The following FBXL17 variants were observed in gnomAD, a reference collection of about 807,000 sequenced individuals.
The protein encoded by FBXL17 is F-box/LRR-repeat protein 17.
A neutral mutation model predicts 66.2 loss-of-function variants in FBXL17; 22 were observed. That is an observed-to-expected ratio of 0.33 (90% confidence interval 0.24 to 0.47). The LOEUF is 0.47. Among genes scored for constraint, FBXL17 ranks in the 20% least tolerant of loss-of-function variants. The pLI, the probability that FBXL17 is intolerant of heterozygous loss-of-function variation, is 1.00. For synonymous variants in FBXL17, 474 were observed against 400.5 expected (o/e 1.18, Z -2.19); for missense variants, 878 against 948.2 (o/e 0.93, Z 0.97).
In FBXL17 at chr5:108,354,270, C is replaced by A. The variant is rs535198872; in HGVS notation, c.1375-5740G>T. Among the ~76,000 whole-genome samples the A allele has an allele frequency of 1.4e-4, 21 of 152,102 alleles. No homozygotes were observed. The East Asian group carries it at 4.1e-3, about 29-fold the overall frequency. On this transcript the variant is annotated intron_variant, in intron 3 of 8. Coordinates refer to ENST00000542267, the MANE Select transcript of FBXL17 (RefSeq NM_001163315.3). ...AGATACAGCAGGAATGTTGGAATTA[C>A]CAGGCCGGAAATTTTTTAAAACTAC... is the stretch of plus-strand genomic sequence containing the variant.
intron 7 of FBXL17, among the ~76,000 whole-genome samples, chr5:107,939,461 C>T (rs952597541): frequency 1.2e-4 from 18 of 151,934 alleles, no homozygotes; most frequent in Admixed American, 2.6e-4. Context: ...ATTCGGGCCA[C>T]GGGTCAGGGA....
At chr5:107,986,021 C>T (rs1375460160) in intron 7 of FBXL17, among the ~76,000 whole-genome samples, 1 of 152,036 alleles carries the variant, frequency 6.6e-6, no homozygotes, top group Non-Finnish European at 1.5e-5. Context: ...CAAAACCTAA[C>T]AACTTAGAAA....
Position 108,088,700 on chromosome 5 carries a change from C to CAAAAAAAAA in FBXL17, c.1746-67708_1746-67700dup, listed in dbSNP as rs57707936. Among the ~76,000 whole-genome samples, 10 of 49,346 alleles carry CAAAAAAAAA rather than the reference C, an allele frequency of 2.0e-4. 1 individual carries two copies. The highest frequency in any genetic ancestry group is 6.9e-4 in the African/African-American group (8 of 11,556). 32.4% of individuals were successfully genotyped at this position (49,346 alleles called of 152,430 possible). ...TGGCCGACAGAGCGAGACTCTATCT[C>CAAAAAAAAA]AAAAAAAAAAAAAAAAAAAAAAAAA... On this transcript the variant is annotated intron_variant, in intron 6 of 8. Transcript: ENST00000542267.
chr5:108,170,761 C>T (rs887414009), intron 6 of FBXL17, among the ~76,000 whole-genome samples: 16 of 151,928 alleles, frequency 1.1e-4, no homozygotes, highest in Admixed American at 3.9e-4. Context: ...TTCAAACTCC[C>T]GACCCCAAGT....
At chr5:107,990,923 T>G (rs901722717) in intron 7 of FBXL17, among the ~76,000 whole-genome samples, 1 of 152,116 alleles carries the variant, frequency 6.6e-6, no homozygotes, top group African/African-American at 2.4e-5. Context: ...ACCATCCAAT[T>G]TTATCCTTAT....
intron 4 of FBXL17, among the ~76,000 whole-genome samples, chr5:108,343,403 G>A (rs554974942): frequency 2.2e-4 from 34 of 152,282 alleles, no homozygotes; most frequent in Admixed American, 9.8e-4. Flanking sequence ...GGAGGCTCAA[G>A]TGAGTACTTA....
intron 7 of FBXL17, among the ~76,000 whole-genome samples, chr5:107,945,700 G>A (rs949372294): frequency 2.0e-5 from 3 of 152,178 alleles, no homozygotes; most frequent in Non-Finnish European, 4.4e-5. Flanking sequence ...AGATGCATAT[G>A]AATGAAGCAA....
intron 7 of FBXL17, among the ~76,000 whole-genome samples, chr5:107,908,916 C>T (rs1400191034): frequency 6.6e-6 from 1 of 152,156 alleles, no homozygotes; most frequent in East Asian, 1.9e-4. Flanking sequence ...GGACAGTGAA[C>T]TCCTTCTGAA....
Position 108,147,195 on chromosome 5 carries a change from T to C in FBXL17, c.1745+38922A>G, listed in dbSNP as rs371139423. ...TGGCAGGACAACAACATTCAGAACA[T>C]AGCAAGCAGCAAGAACTCAGAGTTT... On this transcript the variant is annotated intron_variant, in intron 6 of 8. Coordinates refer to ENST00000542267, the MANE Select transcript of FBXL17 (RefSeq NM_001163315.3). Among the ~76,000 whole-genome samples, 73 of 152,226 alleles carry C rather than the reference T, an allele frequency of 4.8e-4. 1 individual carries two copies. The South Asian group carries it at 0.013, about 27-fold the overall frequency.
intron 6 of FBXL17, among the ~76,000 whole-genome samples, chr5:108,047,388 G>T (rs1201453406): frequency 6.6e-6 from 1 of 152,200 alleles, no homozygotes; most frequent in Admixed American, 6.5e-5. Flanking sequence ...ATTCTCAACA[G>T]CCTCTCAGCT....
At chr5:108,195,011 CA>C in intron 5 of FBXL17, among the ~76,000 whole-genome samples, 1 of 152,066 alleles carries the variant, frequency 6.6e-6, no homozygotes, top group East Asian at 1.9e-4. Context: ...TTAAAAAATG[CA>C]AAAAGTATTA....
At position 107,906,601 on chromosome 5, in the gene FBXL17, C is replaced by A. The variant is rs566772903; in HGVS notation, c.1823-25422G>T. On this transcript the variant is annotated intron_variant, in intron 7 of 8. Transcript: ENST00000542267. The stretch of plus-strand genomic sequence containing the variant: ...TAAGAAGTAGGGACAGGACTGGAGT[C>A]CAGGTCTGTCTGACCATACAGGATC... Among the ~76,000 whole-genome samples, 5 of 152,210 alleles carry A rather than the reference C, an allele frequency of 3.3e-5. No homozygotes were observed. In the South Asian group the frequency reaches 1.0e-3, roughly 32 times the overall value.
At chr5:108,293,064 G>T (rs1251430687) in intron 4 of FBXL17, among the ~76,000 whole-genome samples, 1 of 149,004 alleles carries the variant, frequency 6.7e-6, no homozygotes, top group Non-Finnish European at 1.5e-5. Flanking sequence ...CTCCAGCCTG[G>T]GCAACAGAGC....
At chr5:107,927,622 T>A (rs957228222) in intron 7 of FBXL17, among the ~76,000 whole-genome samples, 1 of 152,146 alleles carries the variant, frequency 6.6e-6, no homozygotes, top group Non-Finnish European at 1.5e-5. Flanking sequence ...AAACTTGATA[T>A]AAAAGAGCCT....
intron 6 of FBXL17, among the ~76,000 whole-genome samples, chr5:108,174,476 G>A (rs1343614995): frequency 6.6e-6 from 1 of 152,104 alleles, no homozygotes; most frequent in Non-Finnish European, 1.5e-5. Flanking sequence ...GTGATTTGCA[G>A]TAGGTATGCT....
chr5:108,225,205 A>C (rs913383947), intron 4 of FBXL17, among the ~76,000 whole-genome samples: 1 of 152,092 alleles, frequency 6.6e-6, no homozygotes, highest in Non-Finnish European at 1.5e-5. Flanking sequence ...ACTTAGCATA[A>C]TGTTATCAAG....
At chr5:108,153,587 G>T (rs957534521) in intron 6 of FBXL17, among the ~76,000 whole-genome samples, 1 of 152,122 alleles carries the variant, frequency 6.6e-6, no homozygotes, top group African/African-American at 2.4e-5. Flanking sequence ...CCTTCACGTT[G>T]CTGATCTACT....
intron 4 of FBXL17, among the ~76,000 whole-genome samples, chr5:108,260,288 G>A (rs1756759010): frequency 6.6e-6 from 1 of 152,034 alleles, no homozygotes; most frequent in South Asian, 2.1e-4. Flanking sequence ...AGAGGCAAGG[G>A]GTGATCAGAG....
chr5:108,124,441 A>G (rs538749226), intron 6 of FBXL17, among the ~76,000 whole-genome samples: 125 of 152,186 alleles, frequency 8.2e-4, no homozygotes, highest in African/African-American at 2.9e-3. Flanking sequence ...TAAACACTAT[A>G]GGGTTTATAA....
Sources: gnomAD v4.1 joint callset for allele counts (sites outside exome capture counted in the v4.1 genomes callset) on GRCh38, gnomAD v4.1.1 for gene constraint, MANE v1.5 for transcripts, NCBI Gene and HGNC (gene_info 2026-07-23, HGNC 2026-07-21) for gene names.